Variants in TARBP1 observed in about 807,000 individuals in gnomAD.
TARBP1 encodes the protein tRNA (guanosine(18)-2'-O)-methyltransferase TARBP1.
In TARBP1, 144 loss-of-function variants were observed where a neutral mutation model predicts 178.6. The ratio of observed to expected loss-of-function variants is 0.81; its 90% CI spans 0.70 to 0.93. The LOEUF (loss-of-function observed/expected upper bound fraction) is 0.93. Ranked by LOEUF, TARBP1 falls within the 40% of genes least tolerant of loss-of-function variation. TARBP1 has a pLI of 0.00. For missense variants in TARBP1, 2,067 were observed against 2,011.7 expected, an observed-to-expected ratio of 1.03 and a Z score of -0.53; for synonymous variants, 787 against 781.0, an observed-to-expected ratio of 1.01 and a Z score of -0.13.
Position 234,393,469 on chromosome 1 carries a change from C to T in TARBP1, c.4453G>A (p.Glu1485Lys). 6.2e-7 allele frequency: 1 copy of T among 1,605,458 alleles called. No individual in the cohort carries two copies. The highest frequency in any genetic ancestry group is 8.5e-7 in the Non-Finnish European group (1 of 1,175,976). The change falls in exon 28 of 30, where the codon GAG (glutamate) becomes AAG (lysine). Residue 1485 changes from glutamate (E) to lysine (K), a missense_variant. Coordinates refer to ENST00000040877, the MANE Select transcript of TARBP1 (RefSeq NM_005646.4). ...ACGAGCACTGAAGCCCCAAATACCT[C>T]ACAGGTCCTGCACAGTCCTGCACAG... Reference protein sequence around the residue: ...TNLGGLCRTCEVFGASVLVVG... With the variant: ...TNLGGLCRTCKVFGASVLVVG...
intron 21 of TARBP1, among the ~76,000 whole-genome samples, chr1:234,419,659 G>A (rs270522): frequency 0.54 from 82,157 of 151,770 alleles, 22,390 homozygotes; most frequent in Middle Eastern, 0.63. Flanking sequence ...AAATGCTCTC[G>A]GTAATCTAGT....
intron 6 of TARBP1, among the ~76,000 whole-genome samples, 165 bp downstream of exon 6, chr1:234,463,672 C>CA (rs1668140258): frequency 1.3e-5 from 2 of 151,668 alleles, no homozygotes; most frequent in South Asian, 2.1e-4. Flanking sequence ...AGTGTGTACT[C>CA]AAAAAAGATA....
intron 9 of TARBP1, among the ~76,000 whole-genome samples, 162 bp downstream of exon 9, chr1:234,457,505 A>G (rs1327322347): frequency 6.6e-6 from 1 of 152,244 alleles, no homozygotes; most frequent in African/African-American, 2.4e-5. Context: ...TCTTAGCAGA[A>G]TTAGTTAAGT....
At chr1:234,460,441 T>C (rs766518286) in intron 6 of TARBP1, 45 bp from the exon 7 acceptor site, 2 of 1,603,850 alleles carry the variant, frequency 1.2e-6, no homozygotes, top group Non-Finnish European at 1.7e-6. Context: ...AATTAGCACA[T>C]GAAAAGAAGC....
chr1:234,478,168 G>A lies in TARBP1; in HGVS notation c.931+5C>T. ...CACTAGGCTGGGGGGCAAAGAGGCA[G>A]GTACCGTTTCCTTCCTGGGGCCCGC... On this transcript the variant is annotated splice_donor_5th_base_variant and intron_variant, in intron 1 of 29. Transcript: ENST00000040877. 1 of 1,611,624 alleles carries A rather than the reference G, an allele frequency of 6.2e-7. No individual in the cohort carries two copies. Among genetic ancestry groups the A allele is most frequent in the South Asian group, 1.1e-5 (1 of 90,854 alleles).
Position 234,457,791 on chromosome 1 carries a change from G to A in TARBP1, c.1633-35C>T, listed in dbSNP as rs114106199. ...GCAGGAAAGGTTTTAAAAATTACTC[G>A]TATTAAAATGTTTAATTGAATAAAC... On this transcript the variant is annotated intron_variant, in intron 8 of 29. Transcript: ENST00000040877. The A allele has an allele frequency of 1.2e-3, 1,717 of 1,460,488 alleles. 14 individuals carry two copies. In the African/African-American group the frequency reaches 0.019, roughly 16 times the overall value. 90.5% of individuals were successfully genotyped at this position (1,460,488 alleles called of 1,614,324 possible). A position where few individuals can be genotyped will look rare whatever the true frequency, so the allele number is the denominator to read the frequency against.
intron 10 of TARBP1, among the ~76,000 whole-genome samples, chr1:234,449,864 G>A (rs1268835130): frequency 1.3e-5 from 2 of 151,984 alleles, no homozygotes; most frequent in African/African-American, 4.8e-5. Context: ...CCTAATTAAT[G>A]AATCTGTTAA....
intron 26 of TARBP1, among the ~76,000 whole-genome samples, chr1:234,394,715 C>G (rs1055520616): frequency 6.6e-6 from 1 of 152,192 alleles, no homozygotes; most frequent in Admixed American, 6.5e-5. Flanking sequence ...CAGACAGCAG[C>G]AAGTACCTTG....
chr1:234,463,156 C>T (rs563800247), intron 6 of TARBP1, among the ~76,000 whole-genome samples: 75 of 151,870 alleles, frequency 4.9e-4, no homozygotes, highest in Non-Finnish European at 6.2e-4. Context: ...GACAGTCTTG[C>T]TCTGTCACCC....
chr1:234,445,330 CCCT>C (rs1336891225), intron 12 of TARBP1, among the ~76,000 whole-genome samples: 1 of 152,164 alleles, frequency 6.6e-6, no homozygotes, highest in Non-Finnish European at 1.5e-5. Context: ...ACACTTGCTC[CCCT>C]AACATTCTCA....
rs1668580566 is a variant in TARBP1 at position 234,467,622 on chromosome 1, A to G, written c.1128T>C (p.His376=). 1 of 1,601,420 alleles carries G rather than the reference A, an allele frequency of 6.2e-7. No individual in the cohort carries two copies. Among genetic ancestry groups the G allele is most frequent in the South Asian group, 1.1e-5 (1 of 87,548 alleles). The change falls in exon 4 of 30, where the codon CAT becomes CAC. Residue 376 remains histidine (H), a synonymous_variant. Coordinates refer to ENST00000040877, the MANE Select transcript of TARBP1 (RefSeq NM_005646.4). The part of the protein sequence containing the change: ...NGCWLFHPSW[H]MCIYKRMFES... ...CAAACATTCTTTTATAAATACACAT[A>G]TGCCAGGATGGGTGAAAGAGCCAAC...
chr1:234,457,518 A>G, intron 9 of TARBP1, 149 bp downstream of exon 9: 1 of 515,764 alleles, frequency 1.9e-6, no homozygotes, highest in South Asian at 2.3e-5. Context: ...AGTTAAGTCC[A>G]CTCAAAGCAA....
At chr1:234,413,727 C>T (rs1195846823) in intron 22 of TARBP1, among the ~76,000 whole-genome samples, 2 of 152,120 alleles carry the variant, frequency 1.3e-5, no homozygotes, top group African/African-American at 4.8e-5. Context: ...GAAACCCTGC[C>T]TGGGCTTCAG....
chr1:234,447,097 A>G (rs1666254582), intron 11 of TARBP1, 122 bp from the exon 12 acceptor site: 1 of 1,036,930 alleles, frequency 9.6e-7, no homozygotes, highest in Admixed American at 2.1e-5. Context: ...TACTCTCATG[A>G]AAGACCCAGA....
Position 234,433,567 on chromosome 1 carries a change from G to C in TARBP1, c.2237C>G (p.Ser746Ter). 6.2e-7 allele frequency: 1 copy of C among 1,608,568 alleles called. No homozygotes were observed. Among genetic ancestry groups the C allele is most frequent in the African/African-American group, 1.3e-5 (1 of 74,534 alleles). Residue 746 changes from serine to a stop codon, truncating the protein, a stop_gained, in exon 14 of 30, where the codon TCA becomes TGA. Coordinates refer to ENST00000040877, the MANE Select transcript of TARBP1 (RefSeq NM_005646.4). LOFTEE classifies it high-confidence loss of function. ...RLTMNELNSV[S>*]DLDRCHLYLM... ...GTATAAATGGCAACGATCCAGATCT[G>C]AAACCTAAGACAAGGATTAAAACAC... is the stretch of plus-strand genomic sequence containing the variant.
chr1:234,459,375 C>A, intron 7 of TARBP1, 49 bp from the exon 8 acceptor site: 1 of 1,399,510 alleles, frequency 7.1e-7, no homozygotes, highest in South Asian at 1.3e-5. Context: ...AAAGACAATT[C>A]TGATAATTTG....
In TARBP1 at chr1:234,429,182, G is replaced by C. The variant is rs373349199; in HGVS notation, c.3014C>G (p.Thr1005Ser). 11 of 1,599,602 alleles carry C rather than the reference G, an allele frequency of 6.9e-6. No individual in the cohort carries two copies. In the African/African-American group the frequency reaches 1.4e-4, roughly 20 times the overall value. ...VQFVFDNKVL[T>S]IAAKIKGQAY... ...CTGGCCCTTGATTTTGGCAGCAATG[G>C]TAAGAACTTTGTTATCAAAAACAAA... The change falls in exon 17 of 30, where the codon ACC becomes AGC. Residue 1005 changes from threonine to serine, a missense_variant. Thr to Ser is a moderately conservative substitution (Grantham distance 58). Transcript: ENST00000040877.
intron 24 of TARBP1, among the ~76,000 whole-genome samples, chr1:234,401,982 C>G (rs564450900): frequency 1.3e-5 from 2 of 152,174 alleles, no homozygotes; most frequent in Admixed American, 1.3e-4. Context: ...TACCCTGCCC[C>G]GCAACAGATC....
intron 12 of TARBP1, among the ~76,000 whole-genome samples, chr1:234,439,719 G>A (rs540287683): frequency 8.5e-5 from 13 of 152,158 alleles, no homozygotes; most frequent in Non-Finnish European, 1.2e-4. Flanking sequence ...CCAGCTACTC[G>A]GTAAACTGAG....
Sources: allele counts gnomAD v4.1 joint callset (sites outside exome capture counted in the v4.1 genomes callset), GRCh38; gene constraint gnomAD v4.1.1; transcripts MANE v1.5; gene names NCBI Gene and HGNC (gene_info 2026-07-23, HGNC 2026-07-21).